The following LETM1 variants were observed in gnomAD, a reference collection of about 807,000 sequenced individuals.
LETM1 encodes leucine zipper and EF-hand containing transmembrane protein 1.
In LETM1, 50 loss-of-function variants were observed where a neutral mutation model predicts 74.5. That is an observed-to-expected ratio of 0.67 (90% confidence interval 0.53 to 0.85). LETM1 has a LOEUF of 0.85. LETM1 is among the 40% of genes least tolerant of loss of function. LETM1 has a pLI of 0.00. For synonymous variants in LETM1, 446 were observed against 407.1 expected, an observed-to-expected ratio of 1.10 and a Z score of -1.15; for missense variants, 824 against 967.8, an observed-to-expected ratio of 0.85 and a Z score of 1.97.
In LETM1 at chr4:1,814,593, A is replaced by G; in HGVS notation, c.2071-20T>C. 1 of 1,610,614 alleles carries G rather than the reference A, an allele frequency of 6.2e-7. No homozygotes were observed. Among genetic ancestry groups the G allele is most frequent in the Non-Finnish European group, 8.5e-7 (1 of 1,177,796 alleles). On this transcript the variant is annotated intron_variant, in intron 13 of 13. Transcript: ENST00000302787. The stretch of plus-strand genomic sequence containing the variant: ...AATCACCTACACACGTGGGAAAGGG[A>G]GAGGCTCAGGTGGCTGCGCCCTACA...
intron 1 of LETM1, among the ~76,000 whole-genome samples, chr4:1,850,588 A>G (rs1713034881): frequency 6.8e-6 from 1 of 146,624 alleles, no homozygotes; most frequent in South Asian, 2.2e-4. Flanking sequence ...GCTTGCAGTG[A>G]GCTGAGATCG....
At chr4:1,822,740 T>C in intron 9 of LETM1, 1 of 390,576 alleles carries the variant, frequency 2.6e-6, no homozygotes, top group East Asian at 3.7e-5. Context: ...ATGCTAAGCT[T>C]GCCCCTCTGA....
chr4:1,853,175 G>A (rs896096030), intron 1 of LETM1, among the ~76,000 whole-genome samples: 2 of 151,928 alleles, frequency 1.3e-5, no homozygotes, highest in African/African-American at 2.4e-5. Context: ...GTCCCCAGGC[G>A]GCTCAGGCCA....
intron 3 of LETM1, 63 bp downstream of exon 3, chr4:1,841,284 C>G: frequency 6.7e-7 from 1 of 1,486,410 alleles, no homozygotes. Flanking sequence ...AATTGCGCCA[C>G]TGCACTCCAG....
chr4:1,841,896 G>T (rs1302028025), intron 2 of LETM1, 99 bp from the exon 3 acceptor site: 5 of 839,810 alleles, frequency 6.0e-6, no homozygotes, highest in Non-Finnish European at 9.5e-6. Context: ...CATGCCCCGT[G>T]CCATGCCATG....
In LETM1 at chr4:1,828,169, G is replaced by A. The variant is rs1307378629; in HGVS notation, c.1081-2486C>T. ...GGGCTCCTCACTTCCCAGTAGGGGC[G>A]GCCGGGCAGAGGCGCCCCTCACCTC... On this transcript the variant is annotated intron_variant, in intron 6 of 13. Transcript: ENST00000302787. Among the ~76,000 whole-genome samples the A allele has an allele frequency of 1.3e-4, 16 of 120,172 alleles. No homozygotes were observed. The South Asian group carries it at 1.7e-3, about 13-fold the overall frequency. 78.8% of individuals were successfully genotyped at this position (120,172 alleles called of 152,430 possible). A position where few individuals can be genotyped will look rare whatever the true frequency, so the allele number is the denominator to read the frequency against.
In LETM1 at chr4:1,855,956, C is replaced by A; in HGVS notation, c.-6G>T. The A allele has an allele frequency of 5.8e-6, 7 of 1,213,100 alleles. No homozygotes were observed. The highest frequency in any genetic ancestry group is 3.9e-5 in the South Asian group (1 of 25,718). 75.1% of individuals were successfully genotyped at this position (1,213,100 alleles called of 1,614,324 possible). A position where few individuals can be genotyped will look rare whatever the true frequency, so the allele number is the denominator to read the frequency against. ...CTCAGTAAGATGGACGCCATGTGCT[C>A]GGGCGCGGCGGCCGCTCCGGCCTCC... On this transcript the variant is annotated 5_prime_UTR_variant, in exon 1 of 14. Coordinates refer to ENST00000302787, the MANE Select transcript of LETM1 (RefSeq NM_012318.3).
chr4:1,824,171 A>G (rs770140663), intron 7 of LETM1, among the ~76,000 whole-genome samples: 6 of 152,194 alleles, frequency 3.9e-5, no homozygotes, highest in Non-Finnish European at 7.4e-5. Flanking sequence ...AAATACAAAA[A>G]TTAGCCAGGT....
At position 1,845,461 on chromosome 4, in the gene LETM1, G is replaced by T. The variant is rs748440468; in HGVS notation, c.144-3664C>A. Among the ~76,000 whole-genome samples the T allele has an allele frequency of 2.6e-4, 39 of 151,764 alleles. 1 individual carries two copies. The Middle Eastern group carries it at 0.021, about 80-fold the overall frequency. ...GTATTTTTGTACTAAAAATGCAAAGGTGTTTATATTGTGTGACCAAATAAA... is the reference window on the plus strand; with the variant it reads ...GTATTTTTGTACTAAAAATGCAAAGTTGTTTATATTGTGTGACCAAATAAA... On this transcript the variant is annotated intron_variant, in intron 2 of 13. Transcript: ENST00000302787.
chr4:1,852,302 A>T (rs1713094827), intron 1 of LETM1, among the ~76,000 whole-genome samples: 1 of 152,170 alleles, frequency 6.6e-6, no homozygotes, highest in African/African-American at 2.4e-5. Flanking sequence ...AGTTTATTAT[A>T]AAGGGTACCT....
intron 9 of LETM1, chr4:1,822,549 C>A: frequency 2.6e-6 from 1 of 382,736 alleles, no homozygotes; most frequent in East Asian, 3.9e-5. Context: ...CCCCAAGACT[C>A]CCCCAAGCTG....
At chr4:1,818,909 C>T (rs1029127448) in intron 11 of LETM1, among the ~76,000 whole-genome samples, 1 of 151,992 alleles carries the variant, frequency 6.6e-6, no homozygotes, top group Non-Finnish European at 1.5e-5. Context: ...TGGTGAAACC[C>T]CGTCTCTACT....
In LETM1 at chr4:1,834,621, T is replaced by C; in HGVS notation, c.876+224A>G. The stretch of plus-strand genomic sequence containing the variant: ...GGTGATGAGACACAGACGCCCATAA[T>C]TCTGAAGGCTGACGAGGCGCAGCCA... On this transcript the variant is annotated intron_variant, in intron 5 of 13. Transcript: ENST00000302787. This position sits in a 1 kb window ranked among gnomAD's most constrained non-coding sequence, Gnocchi z 5.0. 2 of 1,374,776 alleles carry C rather than the reference T, an allele frequency of 1.5e-6. No individual in the cohort carries two copies. Among genetic ancestry groups the C allele is most frequent in the Non-Finnish European group, 1.9e-6 (2 of 1,064,264 alleles). 85.2% of individuals were successfully genotyped at this position (1,374,776 alleles called of 1,614,324 possible). A position where few individuals can be genotyped will look rare whatever the true frequency, so the allele number is the denominator to read the frequency against.
chr4:1,835,013 A>G (rs1712413106), intron 4 of LETM1, 31 bp from the exon 5 acceptor site: 8 of 1,600,106 alleles, frequency 5.0e-6, no homozygotes, highest in Non-Finnish European at 6.8e-6. Context: ...CTGCATTCCA[A>G]CTGCTCAGAC....
intron 3 of LETM1, among the ~76,000 whole-genome samples, chr4:1,838,442 C>T (rs951380164): frequency 3.9e-5 from 6 of 151,914 alleles, no homozygotes; most frequent in Non-Finnish European, 5.9e-5. Flanking sequence ...TTTGGGAGGC[C>T]GAGGCAGCAG....
In LETM1 at chr4:1,856,028, G is replaced by T; in HGVS notation, c.-78C>A. The T allele has an allele frequency of 1.0e-6, 1 of 998,142 alleles. No homozygotes were observed. Among genetic ancestry groups the T allele is most frequent in the Non-Finnish European group, 1.3e-6 (1 of 785,694 alleles). 61.8% of individuals were successfully genotyped at this position (998,142 alleles called of 1,614,324 possible). A position where few individuals can be genotyped will look rare whatever the true frequency, so the allele number is the denominator to read the frequency against. The stretch of plus-strand genomic sequence containing the variant: ...GCGGCCGCGGCTCTTCGCCGTCCCG[G>T]CGGCGCTTCAGACCCGGCCCGCGCG... On this transcript the variant is annotated 5_prime_UTR_variant, in exon 1 of 14. Coordinates refer to ENST00000302787, the MANE Select transcript of LETM1 (RefSeq NM_012318.3).
At position 1,832,726 on chromosome 4, in the gene LETM1, G is replaced by C. The variant is rs1712319816; in HGVS notation, c.1080+18C>G. ...GGTAAAACACCAGAGCTGTGGCGCGGAGTATGGCCAGGCTCACCTTGTCGT... is the reference window on the plus strand; with the variant it reads ...GGTAAAACACCAGAGCTGTGGCGCGCAGTATGGCCAGGCTCACCTTGTCGT... On this transcript the variant is annotated intron_variant, in intron 6 of 13. Coordinates refer to ENST00000302787, the MANE Select transcript of LETM1 (RefSeq NM_012318.3). The C allele has an allele frequency of 1.9e-6, 3 of 1,611,052 alleles. No homozygotes were observed. In the East Asian group the frequency reaches 6.7e-5, roughly 36 times the overall value.
At chr4:1,815,899 C>T (rs899521898) in intron 12 of LETM1, 97 bp from the exon 13 acceptor site, 19 of 1,486,228 alleles carry the variant, frequency 1.3e-5, no homozygotes, top group African/African-American at 2.8e-5. Flanking sequence ...AGCACTGACA[C>T]AGGCGGCTCC....
chr4:1,851,665 C>T (rs1416283454), intron 1 of LETM1, among the ~76,000 whole-genome samples: 5 of 152,228 alleles, frequency 3.3e-5, no homozygotes, highest in Admixed American at 6.5e-5. Flanking sequence ...CTGAGACTAG[C>T]TTTGGCCCCC....
Sources: allele counts gnomAD v4.1 joint callset (sites outside exome capture counted in the v4.1 genomes callset), GRCh38; gene constraint gnomAD v4.1.1; non-coding constraint Gnocchi (gnomAD v3.1); transcripts MANE v1.5; gene names NCBI Gene and HGNC (gene_info 2026-07-23, HGNC 2026-07-21).